Variants in PCDHGA6 observed in about 807,000 individuals in gnomAD.
The protein encoded by PCDHGA6 is protocadherin gamma subfamily A, 6.
In PCDHGA6, 41 loss-of-function variants were observed where a neutral mutation model predicts 60.6. The observed-to-expected ratio is 0.68, with a 90% confidence interval of 0.53 to 0.88. The LOEUF (loss-of-function observed/expected upper bound fraction) is 0.88. Ranked by LOEUF, PCDHGA6 falls within the 40% of genes least tolerant of loss-of-function variation. The pLI, the probability that PCDHGA6 is intolerant of heterozygous loss-of-function variation, is 0.00. For synonymous variants in PCDHGA6, 594 were observed against 524.4 expected, an observed-to-expected ratio of 1.13 and a Z score of -1.81; for missense variants, 1,312 against 1,203.0, an observed-to-expected ratio of 1.09 and a Z score of -1.34.
Position 141,431,633 on chromosome 5 carries a change from T to A in PCDHGA6, c.2424+55126T>A. ...TGTGGACGACAAGGCGGCCCAAGTT[T>A]TCAAACTAGATTGTAATTCAGGGAC... On this transcript the variant is annotated intron_variant, in intron 1 of 3. Coordinates refer to ENST00000517434, the MANE Select transcript of PCDHGA6 (RefSeq NM_018919.3). The surrounding 1 kb of genome is among the most constrained non-coding windows in gnomAD (Gnocchi z 4.8). 1 of 1,614,240 alleles carries A rather than the reference T, an allele frequency of 6.2e-7. No individual in the cohort carries two copies. The highest frequency in any genetic ancestry group is 8.5e-7 in the Non-Finnish European group (1 of 1,180,048).
rs1259562533 is a variant in PCDHGA6 at position 141,482,788 on chromosome 5, G to T, written c.2425-12019G>T. 2.6e-5 allele frequency among the ~76,000 whole-genome samples: 4 copies of T among 152,184 alleles called. 1 individual carries two copies. Among genetic ancestry groups the T allele is most frequent in the Admixed American group, 2.6e-4 (4 of 15,278 alleles). ...TATCACTGAACCTTAAACTGTGTGTGTGGCCGGGTACGGTGGCTCATGCCT... is the reference window on the plus strand; with the variant it reads ...TATCACTGAACCTTAAACTGTGTGTTTGGCCGGGTACGGTGGCTCATGCCT... On this transcript the variant is annotated intron_variant, in intron 1 of 3. Transcript: ENST00000517434.
chr5:141,377,182 A>G (rs958059395), intron 1 of PCDHGA6: 9 of 152,144 alleles, frequency 5.9e-5, no homozygotes, highest in Non-Finnish European at 8.8e-5. Flanking sequence ...TTCTTGGCAA[A>G]CTATTTGTGT....
At chr5:141,417,440 T>C (rs889107076) in intron 1 of PCDHGA6, 1 of 166,232 alleles carries the variant, frequency 6.0e-6, no homozygotes, top group African/African-American at 2.4e-5. Flanking sequence ...TAAAAAGATA[T>C]GATAGTTATG....
intron 1 of PCDHGA6, chr5:141,412,359 A>G (rs2095550851): frequency 6.6e-6 from 1 of 152,226 alleles, no homozygotes; most frequent in Non-Finnish European, 1.5e-5. Flanking sequence ...GTTTGTGATT[A>G]CCTGCTTAAT....
chr5:141,434,802 G>A (rs1009500775), intron 1 of PCDHGA6, among the ~76,000 whole-genome samples: 10 of 151,488 alleles, frequency 6.6e-5, no homozygotes, highest in African/African-American at 2.4e-4. Flanking sequence ...TTCTGAGCTT[G>A]GAGAAATATA....
At chr5:141,510,056 G>C (rs1450505898) in intron 3 of PCDHGA6, among the ~76,000 whole-genome samples, 2 of 152,174 alleles carry the variant, frequency 1.3e-5, no homozygotes. Flanking sequence ...AAGTGATTGT[G>C]CATGTGAAGC....
At chr5:141,439,506 C>G (rs2098117403) in intron 1 of PCDHGA6, among the ~76,000 whole-genome samples, 1 of 152,234 alleles carries the variant, frequency 6.6e-6, no homozygotes, top group Non-Finnish European at 1.5e-5. Flanking sequence ...GTCTTTCTCT[C>G]TGCTCTCAAC....
intron 2 of PCDHGA6, among the ~76,000 whole-genome samples, chr5:141,497,893 C>T (rs1194262199): frequency 6.6e-6 from 1 of 152,132 alleles, no homozygotes; most frequent in Non-Finnish European, 1.5e-5. Flanking sequence ...GGATCTAGTC[C>T]AGTAACTTCA....
intron 1 of PCDHGA6, among the ~76,000 whole-genome samples, chr5:141,443,726 TAC>T: frequency 6.6e-6 from 1 of 152,262 alleles, no homozygotes; most frequent in Admixed American, 6.5e-5. Flanking sequence ...AAATTCCTCA[TAC>T]ATTTCCCTAT....
Position 141,477,289 on chromosome 5 carries a change from T to G in PCDHGA6, c.2425-17518T>G, listed in dbSNP as rs759477848. On this transcript the variant is annotated intron_variant, in intron 1 of 3. Coordinates refer to ENST00000517434, the MANE Select transcript of PCDHGA6 (RefSeq NM_018919.3). The surrounding 1 kb of genome is among the most constrained non-coding windows in gnomAD (Gnocchi z 4.9). ...AGAACGGGCTGGTGACCTGCGAAGT[T>G]CCACCGGGTCTCCCTTTCAGCCTTA... The G allele has an allele frequency of 3.2e-5, 52 of 1,614,046 alleles. No individual in the cohort carries two copies. Among genetic ancestry groups the G allele is most frequent in the Non-Finnish European group, 4.2e-5 (50 of 1,180,040 alleles).
chr5:141,415,880 A>G, intron 1 of PCDHGA6: 1 of 1,003,078 alleles, frequency 1.0e-6, no homozygotes. Flanking sequence ...TGAGTACAAT[A>G]TTGACAATTC....
Position 141,376,407 on chromosome 5 carries a change from A to G in PCDHGA6, c.2324A>G (p.Tyr775Cys), listed in dbSNP as rs1352753803. 2 of 1,614,198 alleles carry G rather than the reference A, an allele frequency of 1.2e-6. No homozygotes were observed. The highest frequency in any genetic ancestry group is 1.7e-6 in the Non-Finnish European group (2 of 1,180,042). Residue 775 changes from tyrosine to cysteine, a missense_variant, in exon 1 of 4, where the codon TAT (tyrosine) becomes TGT (cysteine). Tyr to Cys is a radical substitution (Grantham distance 194). Transcript: ENST00000517434. ...CATCTGATTTTCCCCCAGCCCAACT[A>G]TGCCGACACGCTTATCAACCAGGAG... ...KSHLIFPQPNYADTLINQESY... is the reference protein window; with the variant it reads ...KSHLIFPQPNCADTLINQESY...
At position 141,477,886 on chromosome 5, in the gene PCDHGA6, G is replaced by A. The variant is rs2099422999; in HGVS notation, c.2425-16921G>A. 2 of 1,614,188 alleles carry A rather than the reference G, an allele frequency of 1.2e-6. No homozygotes were observed. The highest frequency in any genetic ancestry group is 1.7e-6 in the Non-Finnish European group (2 of 1,180,040). ...GAGGTACCTCAGCTGGCCACCTAGT[G>A]TCACGGGTGGTAGGCTGGGACGCGG... On this transcript the variant is annotated intron_variant, in intron 1 of 3. Transcript: ENST00000517434. The surrounding 1 kb of genome is among the most constrained non-coding windows in gnomAD (Gnocchi z 4.9).
At chr5:141,409,396 C>A in intron 1 of PCDHGA6, 1 of 1,614,004 alleles carries the variant, frequency 6.2e-7, no homozygotes, top group Non-Finnish European at 8.5e-7. Flanking sequence ...ATTCTTCTTC[C>A]AATAACTACT....
intron 1 of PCDHGA6, chr5:141,392,870 G>C: frequency 6.2e-7 from 1 of 1,613,226 alleles, no homozygotes; most frequent in Non-Finnish European, 8.5e-7. Context: ...TGTGCGCGCT[G>C]CTGGGAACGC....
intron 1 of PCDHGA6, chr5:141,419,649 A>C: frequency 6.2e-7 from 1 of 1,612,422 alleles, no homozygotes; most frequent in Non-Finnish European, 8.5e-7. Context: ...GTGGACGCGG[A>C]CTCGGGGCAC....
Position 141,418,518 on chromosome 5 carries a change from C to G in PCDHGA6, c.2424+42011C>G. Reference sequence around the variant, plus strand: ...CTGACCGCCTTAGATGGTGGGGACCCTCCCCGAAGCGGTACTGCTCAGATA... The same window carrying G: ...CTGACCGCCTTAGATGGTGGGGACCGTCCCCGAAGCGGTACTGCTCAGATA... On this transcript the variant is annotated intron_variant, in intron 1 of 3. Coordinates refer to ENST00000517434, the MANE Select transcript of PCDHGA6 (RefSeq NM_018919.3). The G allele has an allele frequency of 2.5e-6, 4 of 1,613,986 alleles. 1 individual carries two copies.
Position 141,374,495 on chromosome 5 carries a change from T to C in PCDHGA6, c.412T>C (p.Leu138=). The C allele has an allele frequency of 1.2e-6, 2 of 1,611,502 alleles. No individual in the cohort carries two copies. The highest frequency in any genetic ancestry group is 8.5e-7 in the Non-Finnish European group (1 of 1,177,786). ...DNTPRFLKEE[L]EVKILENAAP... ...TACACCCCGATTCTTAAAGGAAGAATTGGAAGTGAAAATTCTCGAAAACGC... is the reference window on the plus strand; with the variant it reads ...TACACCCCGATTCTTAAAGGAAGAACTGGAAGTGAAAATTCTCGAAAACGC... Residue 138 remains leucine (L), a synonymous_variant, in exon 1 of 4, where the codon TTG becomes CTG. Transcript: ENST00000517434.
chr5:141,395,788 C>A (rs1254748153), intron 1 of PCDHGA6: 2 of 152,198 alleles, frequency 1.3e-5, no homozygotes, highest in African/African-American at 4.8e-5. Context: ...AACTTTAATA[C>A]TTCTTACCAT....
Sources: allele counts gnomAD v4.1 joint callset (sites outside exome capture counted in the v4.1 genomes callset), GRCh38; gene constraint gnomAD v4.1.1; non-coding constraint Gnocchi (gnomAD v3.1); transcripts MANE v1.5; gene names NCBI Gene and HGNC (gene_info 2026-07-23, HGNC 2026-07-21).